FGD3: variants seen among roughly 807,000 people sequenced by gnomAD.
FGD3 encodes the protein FYVE, RhoGEF and PH domain containing 3, also known as FYVE, RhoGEF and PH domain-containing protein 3.
FGD3 carries 45 observed loss-of-function variants against 71.8 expected under a neutral mutation model. The observed-to-expected ratio is 0.63, with a 90% CI of 0.49 to 0.80. The LOEUF is 0.80. FGD3 is among the 30% of genes least tolerant of loss of function. The pLI is 0.00. For synonymous variants in FGD3, 378 were observed against 392.8 expected (o/e 0.96, Z 0.44); for missense variants, 844 against 951.5 (o/e 0.89, Z 1.49).
intron 8 of FGD3, 129 bp from the exon 9 acceptor site, chr9:93,013,723 C>A: frequency 8.6e-7 from 1 of 1,158,328 alleles, no homozygotes; most frequent in Non-Finnish European, 1.3e-6. Context: ...GTTTTCCCTC[C>A]CACCCTTGTC....
intron 14 of FGD3, 78 bp downstream of exon 14, chr9:93,022,467 A>T: frequency 6.7e-7 from 1 of 1,498,860 alleles, no homozygotes. Flanking sequence ...TATAGGGAAG[A>T]TGGAGAGGGA....
At position 92,985,781 on chromosome 9, in the gene FGD3, T is replaced by C. The variant is rs150708015; in HGVS notation, c.453+9072T>C. ...GCATGAACCACCGCACCTGGCCCAT[T>C]TTTCTGTTTTAAGGTTTAGGGGATC... On this transcript the variant is annotated intron_variant, in intron 3 of 17. Coordinates refer to ENST00000375482, the MANE Select transcript of FGD3 (RefSeq NM_001083536.2). Among the ~76,000 whole-genome samples the C allele has an allele frequency of 2.4e-4, 36 of 152,256 alleles. No homozygotes were observed. In the East Asian group the frequency reaches 6.8e-3, roughly 29 times the overall value.
chr9:92,962,638 G>A (rs868418456), intron 1 of FGD3, among the ~76,000 whole-genome samples: 1 of 152,200 alleles, frequency 6.6e-6, no homozygotes, highest in Non-Finnish European at 1.5e-5. Context: ...GAAGAATGGA[G>A]TCTTCAAGAA....
At chr9:92,984,266 C>T (rs1860107749) in intron 3 of FGD3, among the ~76,000 whole-genome samples, 1 of 152,204 alleles carries the variant, frequency 6.6e-6, no homozygotes, top group African/African-American at 2.4e-5. Flanking sequence ...CTCTTTTAAA[C>T]AACCAGTTAT....
rs192969074 is a variant in FGD3, at chr9:92,985,764, C to A, written c.453+9055C>A. Reference sequence around the variant, plus strand: ...AAGTGCTAGGATTACAAGCATGAACCACCGCACCTGGCCCATTTTTCTGTT... The same window carrying A: ...AAGTGCTAGGATTACAAGCATGAACAACCGCACCTGGCCCATTTTTCTGTT... On this transcript the variant is annotated intron_variant, in intron 3 of 17. Transcript: ENST00000375482. Among the ~76,000 whole-genome samples, 7 of 152,270 alleles carry A rather than the reference C, an allele frequency of 4.6e-5. No homozygotes were observed. The East Asian group carries it at 1.3e-3, about 29-fold the overall frequency.
chr9:93,012,258 T>A (rs1861437422), intron 8 of FGD3, among the ~76,000 whole-genome samples: 1 of 152,172 alleles, frequency 6.6e-6, no homozygotes, highest in Non-Finnish European at 1.5e-5. Context: ...CTAGGCAGTT[T>A]CATTTAATTA....
intron 10 of FGD3, among the ~76,000 whole-genome samples, chr9:93,016,463 G>A (rs924930739): frequency 2.0e-5 from 3 of 148,208 alleles, no homozygotes; most frequent in African/African-American, 7.5e-5. Flanking sequence ...TCACCCTCCT[G>A]TGTAGCTGCG....
chr9:93,016,808 G>C (rs78740552), intron 10 of FGD3, among the ~76,000 whole-genome samples: 6,993 of 150,014 alleles, frequency 0.047, 233 homozygotes, highest in South Asian at 0.14. Context: ...ATTTTTAGTA[G>C]AGACGGGGTT....
At chr9:92,967,810 T>A (rs1859384881) in intron 1 of FGD3, among the ~76,000 whole-genome samples, 1 of 152,176 alleles carries the variant, frequency 6.6e-6, no homozygotes, top group Admixed American at 6.5e-5. Flanking sequence ...CTTGACCTCG[T>A]GATCCGCCCG....
At chr9:93,033,018 C>T in intron 16 of FGD3, 145 bp downstream of exon 16, 1 of 809,092 alleles carries the variant, frequency 1.2e-6, no homozygotes, top group Non-Finnish European at 2.1e-6. Flanking sequence ...CAGTGGGGCC[C>T]CCAGGCTGGG....
rs112752045 is a variant in FGD3 at position 93,032,973 on chromosome 9, G to A, written c.1785+100G>A. On this transcript the variant is annotated intron_variant, in intron 16 of 17. Transcript: ENST00000375482. ...AGCTCCAGCTGCCTCTGCTTTCGGA[G>A]TGTCCCTGGGACCAGGATAGATGTG... 83 of 1,143,512 alleles carry A rather than the reference G, an allele frequency of 7.3e-5. 3 individuals carry two copies. Among genetic ancestry groups the A allele is most frequent in the African/African-American group, 5.9e-4 (39 of 65,802 alleles). 70.8% of individuals were successfully genotyped at this position (1,143,512 alleles called of 1,614,324 possible).
intron 5 of FGD3, among the ~76,000 whole-genome samples, chr9:93,005,102 A>C (rs148717142): frequency 6.6e-5 from 10 of 151,880 alleles, no homozygotes; most frequent in African/African-American, 2.4e-4. Context: ...CAGGGGTCCA[A>C]TGACTTAGCC....
chr9:92,966,351 G>A (rs548537816), intron 1 of FGD3, among the ~76,000 whole-genome samples: 2 of 152,322 alleles, frequency 1.3e-5, no homozygotes, highest in African/African-American at 4.8e-5. Flanking sequence ...GTCCCCACAC[G>A]TGAGCTTCCC....
chr9:92,993,871 G>A (rs1171934244), intron 3 of FGD3, among the ~76,000 whole-genome samples: 2 of 152,162 alleles, frequency 1.3e-5, no homozygotes, highest in Non-Finnish European at 2.9e-5. Context: ...ATTATTGATG[G>A]ACATTTGGGT....
chr9:93,034,491 G>A (rs750033475), intron 16 of FGD3, 50 bp from the exon 17 acceptor site: 3 of 1,555,086 alleles, frequency 1.9e-6, no homozygotes, highest in Non-Finnish European at 1.7e-6. Flanking sequence ...CAGAACAGGG[G>A]TGACCACTGC....
At chr9:93,030,193 T>C (rs1862303284) in intron 15 of FGD3, among the ~76,000 whole-genome samples, 197 bp downstream of exon 15, 1 of 152,242 alleles carries the variant, frequency 6.6e-6, no homozygotes, top group African/African-American at 2.4e-5. Flanking sequence ...ATCACTTTTC[T>C]CTGGTCAGCT....
At chr9:92,965,714 C>T (rs1342615083) in intron 1 of FGD3, among the ~76,000 whole-genome samples, 1 of 152,228 alleles carries the variant, frequency 6.6e-6, no homozygotes, top group African/African-American at 2.4e-5. Context: ...ATGGGCCTGA[C>T]CTTCCTGGCC....
intron 8 of FGD3, 43 bp from the exon 9 acceptor site, chr9:93,013,809 A>C: frequency 6.2e-7 from 1 of 1,607,792 alleles, no homozygotes; most frequent in South Asian, 1.1e-5. Context: ...GTCACCAGCC[A>C]CTCTCACAGA....
At position 92,976,244 on chromosome 9, in the gene FGD3, C is replaced by A; in HGVS notation, c.-13C>A. 1 of 1,555,572 alleles carries A rather than the reference C, an allele frequency of 6.4e-7. No individual in the cohort carries two copies. Among genetic ancestry groups the A allele is most frequent in the African/African-American group, 1.4e-5 (1 of 73,676 alleles). ...CCAGCCTCCACCTGAGCCCAGTGAG[C>A]TCAGCTTTAAGGATGGAGTCAGGCA... On this transcript the variant is annotated 5_prime_UTR_variant, in exon 3 of 18. Transcript: ENST00000375482.
Sources: gnomAD v4.1 joint callset for allele counts (sites outside exome capture counted in the v4.1 genomes callset) on GRCh38, gnomAD v4.1.1 for gene constraint, MANE v1.5 for transcripts, NCBI Gene and HGNC (gene_info 2026-07-23, HGNC 2026-07-21) for gene names.